PRMT7: variants seen among roughly 807,000 people sequenced by gnomAD.
The protein encoded by PRMT7 is protein arginine N-methyltransferase 7.
In PRMT7, 75 loss-of-function variants were observed where a neutral mutation model predicts 85.4. The observed-to-expected ratio is 0.88, with a 90% CI of 0.73 to 1.06. The LOEUF is 1.06. Among genes scored for constraint, PRMT7 ranks in the 50% least tolerant of loss-of-function variants. PRMT7 has a pLI of 0.00. For synonymous variants in PRMT7, 397 were observed against 359.5 expected (o/e 1.10, Z -1.18); for missense variants, 868 against 915.2 (o/e 0.95, Z 0.67).
In PRMT7 at chr16:68,339,935, C is replaced by G. The variant is rs2085262834; in HGVS notation, c.894C>G (p.Pro298=). 6.2e-7 allele frequency: 1 copy of G among 1,613,876 alleles called. No homozygotes were observed. The highest frequency in any genetic ancestry group is 1.3e-5 in the African/African-American group (1 of 74,910). Residue 298 remains proline, a synonymous_variant, in exon 9 of 19, where the codon CCC becomes CCG. Coordinates refer to ENST00000441236, the MANE Select transcript of PRMT7 (RefSeq NM_019023.5). The part of the protein sequence containing the change: ...PEGKIKCTMA[P]FWAHSDPEEM... ...GGAAGATCAAGTGCACCATGGCCCC[C>G]TTCTGGGCACACTCAGACCCAGAGG...
intron 2 of PRMT7, among the ~76,000 whole-genome samples, chr16:68,313,857 T>G (rs900965117): frequency 1.3e-5 from 2 of 152,050 alleles, no homozygotes; most frequent in African/African-American, 4.8e-5. Flanking sequence ...ATCGCTTGAG[T>G]CCAGGAGTTT....
At chr16:68,338,031 A>G (rs2084955398) in intron 7 of PRMT7, among the ~76,000 whole-genome samples, 1 of 152,120 alleles carries the variant, frequency 6.6e-6, no homozygotes, top group Non-Finnish European at 1.5e-5. Context: ...GGCAGGGGCT[A>G]GATGGAGTGG....
At chr16:68,335,214 CAG>C (rs1158146115) in intron 6 of PRMT7, among the ~76,000 whole-genome samples, 1 of 152,124 alleles carries the variant, frequency 6.6e-6, no homozygotes, top group Non-Finnish European at 1.5e-5. Flanking sequence ...TGTAGGGTGA[CAG>C]AAATCAATAA....
chr16:68,325,872 G>A (rs1282806743), intron 5 of PRMT7, among the ~76,000 whole-genome samples: 1 of 152,190 alleles, frequency 6.6e-6, no homozygotes, highest in African/African-American at 2.4e-5. Flanking sequence ...GGTGAGGCCT[G>A]AGCCTTGGGA....
chr16:68,319,705 A>AGTGTGTGT (rs1567638319), intron 3 of PRMT7, among the ~76,000 whole-genome samples: 1 of 50,766 alleles, frequency 2.0e-5, no homozygotes, highest in Non-Finnish European at 3.8e-5. Flanking sequence ...TCTCAATAAG[A>AGTGTGTGT]GTGAGAGTGT....
chr16:68,314,740 G>T (rs958962001), intron 2 of PRMT7, among the ~76,000 whole-genome samples: 5 of 152,176 alleles, frequency 3.3e-5, no homozygotes, highest in Admixed American at 2.6e-4. Context: ...TGGTAAGAGG[G>T]ATGGGTATTG....
intron 4 of PRMT7, chr16:68,322,306 C>T (rs975321804): frequency 1.0e-5 from 4 of 388,782 alleles, no homozygotes; most frequent in Non-Finnish European, 2.1e-5. Flanking sequence ...CTTAAGCGAT[C>T]CCCCAACCTC....
At chr16:68,324,434 G>T (rs8052583) in intron 4 of PRMT7, 17 of 525,838 alleles carry the variant, frequency 3.2e-5, no homozygotes, top group Non-Finnish European at 4.8e-5. Flanking sequence ...AACATGGTTT[G>T]CAGGGCTCTG....
At chr16:68,312,227 A>ATTTT (rs778218819) in intron 2 of PRMT7, 51 bp downstream of exon 2, 76 of 88,276 alleles carry the variant, frequency 8.6e-4, no homozygotes, top group Middle Eastern at 6.2e-3. Context: ...ATATATATAT[A>ATTTT]TATTTTTTTT....
Position 68,324,529 on chromosome 16 carries a change from G to A in PRMT7, c.133-154G>A, listed in dbSNP as rs2082873598. On this transcript the variant is annotated intron_variant, in intron 4 of 18. Coordinates refer to ENST00000441236, the MANE Select transcript of PRMT7 (RefSeq NM_019023.5). ...GGCAAGGGGCTGACTCACAAGACCT[G>A]CCCAACTCAGCCAGAGCTGTTCTGC... 3 of 834,316 alleles carry A rather than the reference G, an allele frequency of 3.6e-6. No homozygotes were observed. The South Asian group carries it at 5.2e-5, about 14-fold the overall frequency. 51.7% of individuals were successfully genotyped at this position (834,316 alleles called of 1,614,324 possible). A position where few individuals can be genotyped will look rare whatever the true frequency, so the allele number is the denominator to read the frequency against.
intron 15 of PRMT7, 138 bp downstream of exon 15, chr16:68,352,547 A>G (rs1216308875): frequency 3.8e-6 from 3 of 798,624 alleles, no homozygotes; most frequent in Admixed American, 3.5e-5. Flanking sequence ...CTGTGTCAGC[A>G]CACTGTGGGG....
intron 9 of PRMT7, among the ~76,000 whole-genome samples, chr16:68,345,192 C>A (rs1425080497): frequency 6.6e-6 from 1 of 152,194 alleles, no homozygotes; most frequent in African/African-American, 2.4e-5. Flanking sequence ...TTTCCTCAGT[C>A]TACGATCCAG....
intron 5 of PRMT7, among the ~76,000 whole-genome samples, chr16:68,326,638 A>G (rs1838707794): frequency 6.6e-6 from 1 of 152,218 alleles, no homozygotes; most frequent in Non-Finnish European, 1.5e-5. Context: ...AATGAGGTTA[A>G]ATCTCATTTC....
chr16:68,318,312 G>A (rs1449878785), intron 3 of PRMT7, among the ~76,000 whole-genome samples: 3 of 150,192 alleles, frequency 2.0e-5, no homozygotes, highest in East Asian at 2.0e-4. Context: ...CCATTCTCCC[G>A]CCTCAGCCTC....
rs780032137 is a variant in PRMT7 at position 68,321,410 on chromosome 16, CTT to C, written c.96-11_96-10del. On this transcript the variant is annotated splice_polypyrimidine_tract_variant and intron_variant, in intron 3 of 18. Coordinates refer to ENST00000441236, the MANE Select transcript of PRMT7 (RefSeq NM_019023.5). ...ATGTGTATCATGCAAAGGTTACTGA[CTT>C]TTTTGTTTTTTAGGTCATCTTATGC... 1.4e-5 allele frequency: 23 copies of C among 1,599,610 alleles called. No individual in the cohort carries two copies. The African/African-American group carries it at 2.7e-4, about 19-fold the overall frequency.
At chr16:68,330,296 CTG>C (rs775758804) in intron 6 of PRMT7, among the ~76,000 whole-genome samples, 8 of 152,160 alleles carry the variant, frequency 5.3e-5, no homozygotes, top group African/African-American at 7.2e-5. Flanking sequence ...AAAGGAAAAA[CTG>C]TGGTGAAGTT....
intron 9 of PRMT7, among the ~76,000 whole-genome samples, chr16:68,340,210 C>T (rs1397306717): frequency 6.6e-6 from 1 of 152,168 alleles, no homozygotes; most frequent in African/African-American, 2.4e-5. Flanking sequence ...CTTTCCTCTC[C>T]CGCCTCATCA....
At chr16:68,348,561 C>T (rs111882197) in intron 14 of PRMT7, 130 bp downstream of exon 14, 319 of 571,006 alleles carry the variant, frequency 5.6e-4, no homozygotes, top group African/African-American at 4.9e-3. Context: ...TTACCTCCTA[C>T]GAGCTCCCAC....
intron 7 of PRMT7, among the ~76,000 whole-genome samples, chr16:68,338,662 C>G (rs908512491): frequency 6.6e-6 from 1 of 152,058 alleles, no homozygotes; most frequent in Non-Finnish European, 1.5e-5. Flanking sequence ...CGCAGGGAGG[C>G]CAGTTATTCT....
Sources: allele counts gnomAD v4.1 joint callset (sites outside exome capture counted in the v4.1 genomes callset), GRCh38; gene constraint gnomAD v4.1.1; transcripts MANE v1.5; gene names NCBI Gene and HGNC (gene_info 2026-07-23, HGNC 2026-07-21).